Variants in CYP2R1 observed in about 807,000 individuals in gnomAD.
CYP2R1 encodes vitamin D 25-hydroxylase.
In CYP2R1, 40 loss-of-function variants were observed where a neutral mutation model predicts 45.7. The observed-to-expected ratio is 0.87, with a 90% CI of 0.68 to 1.14. CYP2R1 has a LOEUF of 1.14. Among genes scored for constraint, CYP2R1 ranks in the 50% most tolerant of loss-of-function variants. The probability of loss-of-function intolerance (pLI) is 0.00; values close to 1 mark genes in which losing one functional copy is unlikely to be tolerated. For synonymous variants in CYP2R1, 234 were observed against 219.3 expected, an observed-to-expected ratio of 1.07 and a Z score of -0.59; for missense variants, 605 against 602.6, an observed-to-expected ratio of 1.00 and a Z score of -0.04.
chr11:14,879,502 T>C (rs1848292932), intron 3 of CYP2R1, 59 bp from the exon 4 acceptor site: 1 of 1,340,042 alleles, frequency 7.5e-7, no homozygotes, highest in Non-Finnish European at 1.0e-6. Flanking sequence ...CCTAAAGTTA[T>C]TTCCCTCTGG....
At chr11:14,881,257 T>A (rs536854995) in intron 2 of CYP2R1, among the ~76,000 whole-genome samples, 3 of 152,092 alleles carry the variant, frequency 2.0e-5, no homozygotes, top group Non-Finnish European at 4.4e-5. Flanking sequence ...CAAGTAACTA[T>A]GACAGGGGTA....
intron 1 of CYP2R1, chr11:14,891,538 A>G: frequency 9.9e-7 from 1 of 1,006,482 alleles, no homozygotes; most frequent in Non-Finnish European, 1.2e-6. Context: ...ACCTGCTATT[A>G]ACCATCTAGA....
chr11:14,892,375 T>G (rs577563567), upstream of CYP2R1: 429 of 659,710 alleles, frequency 6.5e-4, no homozygotes, highest in Non-Finnish European at 8.8e-4. Flanking sequence ...CTTCTAGTTT[T>G]GCGCGGCTGA....
chr11:14,879,564 G>A (rs1160234341), intron 3 of CYP2R1, 121 bp from the exon 4 acceptor site: 18 of 691,640 alleles, frequency 2.6e-5, no homozygotes, highest in Non-Finnish European at 4.2e-5. Context: ...GATACATCCA[G>A]ATTCAGATTT....
chr11:14,886,863 GA>G (rs1319157670), intron 1 of CYP2R1: 1 of 152,274 alleles, frequency 6.6e-6, no homozygotes, highest in Admixed American at 6.5e-5. Context: ...AAGTTCAGCA[GA>G]AAGTTATATC....
chr11:14,879,004 A>G, intron 4 of CYP2R1, 110 bp downstream of exon 4: 3 of 884,168 alleles, frequency 3.4e-6, no homozygotes, highest in Non-Finnish European at 5.4e-6. Flanking sequence ...CTGTGTTTTT[A>G]GAATTGGGAT....
rs1848208194 is a variant in CYP2R1, at chr11:14,877,612, T to G, written c.*510A>C. On this transcript the variant is annotated 3_prime_UTR_variant, in exon 5 of 5. Coordinates refer to ENST00000334636, the MANE Select transcript of CYP2R1 (RefSeq NM_024514.5). ...TGGCAGGCTCTACATTAAATACATA[T>G]TTCTTCTACCATCTCCCACCATATC... 1 of 152,584 alleles carries G rather than the reference T, an allele frequency of 6.6e-6. No individual in the cohort carries two copies. Among genetic ancestry groups the G allele is most frequent in the Non-Finnish European group, 1.5e-5 (1 of 68,388 alleles). 9.5% of individuals were successfully genotyped at this position (152,584 alleles called of 1,614,324 possible).
In CYP2R1 at chr11:14,882,645, A is replaced by G. The variant is rs559893719; in HGVS notation, c.368-1877T>C. Among the ~76,000 whole-genome samples, 18 of 152,172 alleles carry G rather than the reference A, an allele frequency of 1.2e-4. No homozygotes were observed. In the South Asian group the frequency reaches 3.5e-3, roughly 30 times the overall value. ...CAAGGTCAGTACATAGTACCTTAAA[A>G]CAACACATATCAACATAGTGTTGGA... On this transcript the variant is annotated intron_variant, in intron 2 of 4. Coordinates refer to ENST00000334636, the MANE Select transcript of CYP2R1 (RefSeq NM_024514.5).
intron 4 of CYP2R1, 116 bp from the exon 5 acceptor site, chr11:14,878,413 C>G: frequency 1.0e-6 from 1 of 990,570 alleles, no homozygotes. Context: ...AAAGAGGGAA[C>G]TATGTTTATT....
intron 3 of CYP2R1, among the ~76,000 whole-genome samples, chr11:14,879,752 G>A (rs1217462891): frequency 1.3e-5 from 2 of 152,130 alleles, no homozygotes; most frequent in Non-Finnish European, 2.9e-5. Context: ...AGTAGCCAGT[G>A]CTCTGGGTAG....
At chr11:14,882,715 T>G (rs1848438070) in intron 2 of CYP2R1, among the ~76,000 whole-genome samples, 1 of 152,200 alleles carries the variant, frequency 6.6e-6, no homozygotes. Flanking sequence ...ATAAAGGGTA[T>G]TCAATTAGGA....
chr11:14,883,867 G>A (rs1323250472), intron 2 of CYP2R1, among the ~76,000 whole-genome samples: 42 of 152,184 alleles, frequency 2.8e-4, no homozygotes, highest in Middle Eastern at 3.4e-3. Flanking sequence ...ACAAGTGGGC[G>A]AAGGACATGA....
At chr11:14,885,194 C>A (rs1848567981) in intron 2 of CYP2R1, among the ~76,000 whole-genome samples, 1 of 152,160 alleles carries the variant, frequency 6.6e-6, no homozygotes, top group Non-Finnish European at 1.5e-5. Flanking sequence ...TGTATGTGAT[C>A]TGAACATTCT....
chr11:14,887,394 A>C (rs1848661103), intron 1 of CYP2R1: 1 of 159,280 alleles, frequency 6.3e-6, no homozygotes, highest in Non-Finnish European at 1.3e-5. Flanking sequence ...TGAGGGTAGA[A>C]CTGGAGAAAT....
intron 1 of CYP2R1, chr11:14,890,945 A>G: frequency 1.0e-6 from 1 of 985,308 alleles, no homozygotes; most frequent in Non-Finnish European, 1.2e-6. Context: ...TTCCTTCAAA[A>G]CACTGACCAC....
At position 14,878,303 on chromosome 11, in the gene CYP2R1, CAGAAAA is replaced by C. The variant is rs782695426; in HGVS notation, c.1331-12_1331-7del. On this transcript the variant is annotated splice_region_variant and splice_polypyrimidine_tract_variant and intron_variant, in intron 4 of 4. Coordinates refer to ENST00000334636, the MANE Select transcript of CYP2R1 (RefSeq NM_024514.5). ...TCCAAGACAATGTCTTCTTCCTAAA[CAGAAAA>C]AGCAGATACAATAATTTTTTAAACC... The C allele has an allele frequency of 6.2e-7, 1 of 1,612,174 alleles. No homozygotes were observed. The highest frequency in any genetic ancestry group is 8.5e-7 in the Non-Finnish European group (1 of 1,178,966).
intron 2 of CYP2R1, 117 bp from the exon 3 acceptor site, chr11:14,880,885 A>G: frequency 1.0e-6 from 1 of 955,152 alleles, no homozygotes; most frequent in Non-Finnish European, 1.5e-6. Flanking sequence ...GTCCTCCTAT[A>G]TAACTACATG....
At chr11:14,891,853 G>C (rs1848870547) in intron 1 of CYP2R1, 128 bp downstream of exon 1, 1 of 1,414,776 alleles carries the variant, frequency 7.1e-7, no homozygotes. Flanking sequence ...GTCCCTCAAA[G>C]GGCAGCCGGC....
chr11:14,884,791 A>C (rs1429801976), intron 2 of CYP2R1, among the ~76,000 whole-genome samples: 1 of 152,138 alleles, frequency 6.6e-6, no homozygotes, highest in Non-Finnish European at 1.5e-5. Context: ...CAGTCTAAAC[A>C]ATAAATTTAC....
Sources: gnomAD v4.1 joint callset for allele counts (sites outside exome capture counted in the v4.1 genomes callset) on GRCh38, gnomAD v4.1.1 for gene constraint, MANE v1.5 for transcripts, NCBI Gene and HGNC (gene_info 2026-07-23, HGNC 2026-07-21) for gene names.